KCNK9: variants seen among roughly 807,000 people sequenced by gnomAD.
KCNK9 encodes the protein potassium two pore domain channel subfamily K member 9, also known as potassium channel subfamily K member 9.
A neutral mutation model predicts 10.8 loss-of-function variants in KCNK9; 1 was observed. The ratio of observed to expected loss-of-function variants is 0.09; its 90% CI spans 0.03 to 0.44. The LOEUF is 0.44. Among genes scored for constraint, KCNK9 ranks in the 20% least tolerant of loss-of-function variants. The pLI, the probability that KCNK9 is intolerant of heterozygous loss-of-function variation, is 0.97. For missense variants in KCNK9, 303 were observed against 515.0 expected, an observed-to-expected ratio of 0.59 and a Z score of 3.98; for synonymous variants, 231 against 222.7, an observed-to-expected ratio of 1.04 and a Z score of -0.33.
At chr8:139,700,508 A>ACACACG (rs1392898740) in intron 1 of KCNK9, among the ~76,000 whole-genome samples, 1 of 118,300 alleles carries the variant, frequency 8.5e-6, no homozygotes, top group South Asian at 2.6e-4. Flanking sequence ...ACACACACAC[A>ACACACG]CGCGCGCGCG....
chr8:139,656,106 G>A (rs1816013146), intron 1 of KCNK9, among the ~76,000 whole-genome samples: 1 of 152,202 alleles, frequency 6.6e-6, no homozygotes, highest in Non-Finnish European at 1.5e-5. Context: ...CATGGGCACA[G>A]CAAAGGAGGT....
At chr8:139,669,003 T>C (rs888261924) in intron 1 of KCNK9, among the ~76,000 whole-genome samples, 1 of 152,348 alleles carries the variant, frequency 6.6e-6, no homozygotes, top group Middle Eastern at 3.4e-3. Flanking sequence ...ATTTTTTGAT[T>C]TCTCAGTGCA....
In KCNK9 at chr8:139,635,511, G is replaced by T. The variant is rs75770123; in HGVS notation, c.284-16412C>A. 6.4e-4 allele frequency among the ~76,000 whole-genome samples: 98 copies of T among 152,326 alleles called. 1 individual carries two copies. In the East Asian group the frequency reaches 0.016, roughly 25 times the overall value. On this transcript the variant is annotated intron_variant, in intron 1 of 1. Transcript: ENST00000520439. ...AGCCCACCTCATGTATCAGCTATTT[G>T]ACCTTGGGCAAGTCACCTAACCTTG...
At chr8:139,607,245 T>C (rs1251170290) in intron 2 of KCNK9, among the ~76,000 whole-genome samples, 2 of 152,226 alleles carry the variant, frequency 1.3e-5, no homozygotes, top group East Asian at 3.8e-4. Flanking sequence ...TCCCTGCTCC[T>C]TGGCACTGCT....
chr8:139,634,149 C>T (rs932159256), intron 1 of KCNK9, among the ~76,000 whole-genome samples: 3 of 152,246 alleles, frequency 2.0e-5, no homozygotes, highest in African/African-American at 4.8e-5. Context: ...CAAGGAGCCC[C>T]TACTACTTGG....
At chr8:139,641,987 G>A (rs1175957331) in intron 1 of KCNK9, among the ~76,000 whole-genome samples, 2 of 152,200 alleles carry the variant, frequency 1.3e-5, no homozygotes, top group Non-Finnish European at 2.9e-5. Flanking sequence ...TCAGGAAGAG[G>A]AGCCAGCCAG....
In KCNK9 at chr8:139,626,135, G is replaced by A. The variant is rs137865859; in HGVS notation, c.284-7036C>T. Among the ~76,000 whole-genome samples, 950 of 152,306 alleles carry A rather than the reference G, an allele frequency of 6.2e-3. 8 individuals are homozygous for A. Among genetic ancestry groups the A allele is most frequent in the Admixed American group, 0.012 (185 of 15,302 alleles). ...CCACTGGAAAAAGGCAAATAGGGCA[G>A]CCTGGGCCAGGTGGACTGCAGACCA... On this transcript the variant is annotated intron_variant, in intron 1 of 1. Coordinates refer to ENST00000520439, the MANE Select transcript of KCNK9 (RefSeq NM_001282534.2).
At chr8:139,682,279 C>A (rs1276396905) in intron 1 of KCNK9, among the ~76,000 whole-genome samples, 2 of 152,184 alleles carry the variant, frequency 1.3e-5, no homozygotes, top group African/African-American at 4.8e-5. Flanking sequence ...CAAACATTCT[C>A]GGAGGGCCTG....
chr8:139,695,516 A>T (rs542969033), intron 1 of KCNK9, among the ~76,000 whole-genome samples: 1 of 152,298 alleles, frequency 6.6e-6, no homozygotes, highest in South Asian at 2.1e-4. Flanking sequence ...GAGTGCACTG[A>T]CCTAAAAAGG....
chr8:139,680,068 G>T (rs756773467), intron 1 of KCNK9, among the ~76,000 whole-genome samples: 1 of 152,126 alleles, frequency 6.6e-6, no homozygotes, highest in African/African-American at 2.4e-5. Flanking sequence ...CTTCCCTTGC[G>T]CCACCTGCTC....
intron 1 of KCNK9, among the ~76,000 whole-genome samples, chr8:139,647,185 G>A (rs1169777945): frequency 6.6e-6 from 1 of 152,252 alleles, no homozygotes; most frequent in Non-Finnish European, 1.5e-5. Context: ...AACAGGCCCA[G>A]GATGGCAACT....
At chr8:139,663,948 G>A (rs563005830) in intron 1 of KCNK9, among the ~76,000 whole-genome samples, 198 of 152,280 alleles carry the variant, frequency 1.3e-3, no homozygotes, top group African/African-American at 4.2e-3. Context: ...AAGAAATTGC[G>A]AAATAACACA....
At chr8:139,657,502 G>T (rs888349) in intron 1 of KCNK9, among the ~76,000 whole-genome samples, 121,506 of 151,934 alleles carry the variant, frequency 0.8, 48,747 homozygotes, top group East Asian at 0.97. Flanking sequence ...TGCCTGTGGA[G>T]CTTCTCATCA....
At chr8:139,682,909 G>T (rs530163815) in intron 1 of KCNK9, among the ~76,000 whole-genome samples, 2 of 151,536 alleles carry the variant, frequency 1.3e-5, no homozygotes, top group Non-Finnish European at 2.9e-5. Flanking sequence ...TCCTCTGTGT[G>T]CCCAGAATGG....
At chr8:139,654,709 G>C (rs147214263) in intron 1 of KCNK9, among the ~76,000 whole-genome samples, 1 of 152,204 alleles carries the variant, frequency 6.6e-6, no homozygotes, top group Non-Finnish European at 1.5e-5. Flanking sequence ...ACGAAGACAC[G>C]CATTACATGC....
chr8:139,673,290 C>T (rs766977441), intron 1 of KCNK9, among the ~76,000 whole-genome samples: 139 of 152,134 alleles, frequency 9.1e-4, no homozygotes, highest in Non-Finnish European at 1.5e-3. Flanking sequence ...GAGATGGCTG[C>T]GCATATCTGT....
chr8:139,603,949 G>A (rs557869377), intron 2 of KCNK9, among the ~76,000 whole-genome samples: 40 of 152,236 alleles, frequency 2.6e-4, no homozygotes, highest in Non-Finnish European at 5.1e-4. Flanking sequence ...CCAGGATGCA[G>A]TTTAGCAACA....
rs550884391 is a variant in KCNK9 at position 139,693,739 on chromosome 8, C to T, written c.283+8971G>A. On this transcript the variant is annotated intron_variant, in intron 1 of 1. Transcript: ENST00000520439. This position sits in a 1 kb window ranked among gnomAD's most constrained non-coding sequence, Gnocchi z 4.1. ...AGAAGGTGTGGGAACAGGGCCTGAGCGGGGCTGGAGGATGAAAAGGGCTGC... is the reference window on the plus strand; with the variant it reads ...AGAAGGTGTGGGAACAGGGCCTGAGTGGGGCTGGAGGATGAAAAGGGCTGC... Among the ~76,000 whole-genome samples the T allele has an allele frequency of 2.0e-5, 3 of 152,058 alleles. No individual in the cohort carries two copies. The East Asian group carries it at 5.8e-4, about 29-fold the overall frequency.
intron 1 of KCNK9, among the ~76,000 whole-genome samples, chr8:139,660,810 A>G (rs1472008755): frequency 6.6e-6 from 1 of 152,060 alleles, no homozygotes; most frequent in Non-Finnish European, 1.5e-5. Context: ...CCCATTTTCC[A>G]GATGGGAAAA....
Sources: gnomAD v4.1 joint callset for allele counts (sites outside exome capture counted in the v4.1 genomes callset) on GRCh38, gnomAD v4.1.1 for gene constraint, Gnocchi (gnomAD v3.1) non-coding constraint, MANE v1.5 for transcripts, NCBI Gene and HGNC (gene_info 2026-07-23, HGNC 2026-07-21) for gene names.